The following NEK11 variants were observed in gnomAD, a reference collection of about 807,000 sequenced individuals.
The protein encoded by NEK11 is serine/threonine-protein kinase Nek11.
Under a neutral mutation model 80.7 loss-of-function variants are expected in NEK11, and 72 were observed. That is an observed-to-expected ratio of 0.89 (90% confidence interval 0.74 to 1.08). NEK11 has a LOEUF of 1.08. Among genes scored for constraint, NEK11 ranks in the 50% least tolerant of loss-of-function variants. The pLI is 0.00. For missense variants in NEK11, 764 were observed against 763.6 expected, an observed-to-expected ratio of 1.00 and a Z score of -0.01; for synonymous variants, 251 against 260.7, an observed-to-expected ratio of 0.96 and a Z score of 0.36.
At chr3:131,300,543 A>G (rs764100425) in intron 17 of NEK11, among the ~76,000 whole-genome samples, 2 of 152,052 alleles carry the variant, frequency 1.3e-5, no homozygotes, top group Non-Finnish European at 2.9e-5. Context: ...ATCCATCTTG[A>G]GTTGATTTTT....
In NEK11 at chr3:131,349,951, A is replaced by G. The variant is rs376389672; in HGVS notation, c.*175A>G. The G allele has an allele frequency of 5.0e-6, 3 of 602,294 alleles. No homozygotes were observed. The highest frequency in any genetic ancestry group is 3.0e-5 in the Admixed American group (1 of 33,628). The allele number at this position is 602,294 out of a possible 1,614,324, so 37.3% of individuals were successfully genotyped here. A position where few individuals can be genotyped will look rare whatever the true frequency, so the allele number is the denominator to read the frequency against. ...TAGAGAGTAGTAAGCATGGCTGCCT[A>G]TGCTTGGAGTCATAAGTGTTATTTG... On this transcript the variant is annotated 3_prime_UTR_variant, in exon 18 of 18. Coordinates refer to ENST00000383366, the MANE Select transcript of NEK11 (RefSeq NM_024800.5).
At chr3:131,218,677 G>A (rs1290483531) in intron 14 of NEK11, among the ~76,000 whole-genome samples, 1 of 152,136 alleles carries the variant, frequency 6.6e-6, no homozygotes, top group African/African-American at 2.4e-5. Flanking sequence ...CTGATAGGGT[G>A]GGCTCTAAGC....
intron 7 of NEK11, among the ~76,000 whole-genome samples, chr3:131,137,101 AC>A (rs1362008166): frequency 3.3e-5 from 5 of 152,168 alleles, no homozygotes; most frequent in Admixed American, 6.5e-5. Context: ...TCTAGAGTGT[AC>A]TGTGAAGCTC....
chr3:131,209,320 T>C (rs1302819254), intron 14 of NEK11, among the ~76,000 whole-genome samples: 2 of 152,240 alleles, frequency 1.3e-5, no homozygotes, highest in East Asian at 1.9e-4. Context: ...ATCCCAGGGA[T>C]GAAGCCAACG....
chr3:131,340,447 A>G lies in NEK11; in HGVS notation c.1719-9110A>G, dbSNP rs185857566. Among the ~76,000 whole-genome samples the G allele has an allele frequency of 1.4e-3, 214 of 152,332 alleles. 2 individuals are homozygous for G. Among genetic ancestry groups the G allele is most frequent in the Non-Finnish European group, 3.8e-4 (26 of 68,018 alleles). ...AATTAGAGGGTACACAGCATAGTCTATAATTGATGGGCAAATAAGTAGATG... is the reference window on the plus strand; with the variant it reads ...AATTAGAGGGTACACAGCATAGTCTGTAATTGATGGGCAAATAAGTAGATG... On this transcript the variant is annotated intron_variant, in intron 17 of 17. Transcript: ENST00000383366.
intron 17 of NEK11, among the ~76,000 whole-genome samples, chr3:131,285,289 T>G (rs944470146): frequency 6.6e-6 from 1 of 150,938 alleles, no homozygotes; most frequent in African/African-American, 2.5e-5. Flanking sequence ...CAGGAGTGGG[T>G]AGAGAGAGAA....
intron 14 of NEK11, among the ~76,000 whole-genome samples, chr3:131,214,694 CAT>C (rs1491094974): frequency 1.5e-5 from 1 of 65,840 alleles, no homozygotes; most frequent in Admixed American, 2.1e-4. Flanking sequence ...AATGTGCGTG[CAT>C]GTGTGTGTGT....
At chr3:131,048,446 A>G (rs1577419802) in intron 3 of NEK11, among the ~76,000 whole-genome samples, 1 of 152,186 alleles carries the variant, frequency 6.6e-6, no homozygotes, top group South Asian at 2.1e-4. Context: ...TTCGCTGGGG[A>G]CCAAGAGTGC....
rs759459267 is a variant in NEK11 at position 131,080,594 on chromosome 3, ACT to A, written c.336+10_336+11del. 2 of 1,601,030 alleles carry A rather than the reference ACT, an allele frequency of 1.2e-6. No homozygotes were observed. Among genetic ancestry groups the A allele is most frequent in the South Asian group, 1.1e-5 (1 of 88,086 alleles). On this transcript the variant is annotated splice_region_variant and intron_variant, in intron 4 of 17. Coordinates refer to ENST00000383366, the MANE Select transcript of NEK11 (RefSeq NM_024800.5). ...TTATCACGGAGTACTGTGAGGTGAGACTCTCCTTTTCTCTTGGAAGTCTTTAT... is the reference window on the plus strand; with the variant it reads ...TTATCACGGAGTACTGTGAGGTGAGACTCCTTTTCTCTTGGAAGTCTTTAT...
chr3:131,248,178 G>A (rs1580839619), intron 16 of NEK11, among the ~76,000 whole-genome samples: 1 of 152,006 alleles, frequency 6.6e-6, no homozygotes, highest in East Asian at 1.9e-4. Flanking sequence ...ACCAGGTTTA[G>A]GAGAATTGCT....
intron 17 of NEK11, among the ~76,000 whole-genome samples, chr3:131,326,762 C>T (rs1383039623): frequency 2.0e-5 from 3 of 152,166 alleles, no homozygotes; most frequent in East Asian, 1.9e-4. Context: ...CCAGAGCTTG[C>T]GTCTCCTCTG....
intron 14 of NEK11, chr3:131,175,074 C>T (rs12639101): frequency 0.012 from 13,382 of 1,145,818 alleles, 136 homozygotes; most frequent in East Asian, 0.064. Flanking sequence ...CTATGACTTA[C>T]GATATCACCT....
chr3:131,103,754 C>T (rs1050332156), intron 4 of NEK11, among the ~76,000 whole-genome samples: 7 of 152,202 alleles, frequency 4.6e-5, no homozygotes, highest in African/African-American at 1.7e-4. Context: ...AAAGGCATGC[C>T]TATTCCTGCT....
Position 131,051,011 on chromosome 3 carries a change from C to T in NEK11, c.170+21133C>T, listed in dbSNP as rs555019179. Among the ~76,000 whole-genome samples the T allele has an allele frequency of 2.2e-3, 328 of 152,188 alleles. 1 individual carries two copies. The highest frequency in any genetic ancestry group is 7.5e-3 in the African/African-American group (313 of 41,528). On this transcript the variant is annotated intron_variant, in intron 3 of 17. Transcript: ENST00000383366. Reference sequence around the variant, plus strand: ...TTGCACCACAGCATCCCATCCTAGGCGACAGAGTGAGACCCTGCCTCCAAA... The same window carrying T: ...TTGCACCACAGCATCCCATCCTAGGTGACAGAGTGAGACCCTGCCTCCAAA...
intron 17 of NEK11, among the ~76,000 whole-genome samples, chr3:131,311,845 G>C (rs2096785117): frequency 6.6e-6 from 1 of 152,190 alleles, no homozygotes; most frequent in Non-Finnish European, 1.5e-5. Flanking sequence ...TAAAGATTTA[G>C]CAAAAATTGT....
At chr3:131,040,216 C>T (rs2066267243) in intron 3 of NEK11, among the ~76,000 whole-genome samples, 1 of 151,808 alleles carries the variant, frequency 6.6e-6, no homozygotes, top group Non-Finnish European at 1.5e-5. Context: ...CTGCTACTCA[C>T]GAATGAATAA....
intron 17 of NEK11, chr3:131,330,058 G>A (rs184116602): frequency 6.6e-6 from 1 of 152,356 alleles, no homozygotes; most frequent in East Asian, 1.9e-4. Flanking sequence ...GTGGGAGACA[G>A]AGTAGTAGTG....
At chr3:131,334,220 A>T (rs1405513551) in intron 17 of NEK11, among the ~76,000 whole-genome samples, 1 of 152,238 alleles carries the variant, frequency 6.6e-6, no homozygotes, top group Non-Finnish European at 1.5e-5. Context: ...AGTTGGAAGT[A>T]AAGCTCTCCT....
intron 7 of NEK11, among the ~76,000 whole-genome samples, chr3:131,135,972 A>AACATTT (rs1190689940): frequency 1.3e-5 from 2 of 152,024 alleles, no homozygotes; most frequent in African/African-American, 4.8e-5. Context: ...ATTTCTTTTT[A>AACATTT]AAAAATTGCT....
Sources: gnomAD v4.1 joint callset for allele counts (sites outside exome capture counted in the v4.1 genomes callset) on GRCh38, gnomAD v4.1.1 for gene constraint, MANE v1.5 for transcripts, NCBI Gene and HGNC (gene_info 2026-07-23, HGNC 2026-07-21) for gene names.